Variants in NHERF4 observed in about 807,000 individuals in gnomAD.
NHERF4 encodes Na(+)/H(+) exchange regulatory cofactor NHE-RF4.
At chr11:119,189,370 CA>C in the NHERF4 span, 1 of 1,540,134 alleles carries the variant, frequency 6.5e-7, no homozygotes, top group Non-Finnish European at 9.0e-7. This position sits in a 1 kb window ranked among gnomAD's most constrained non-coding sequence, Gnocchi z 5.8. Flanking sequence ...AAATAAACCC[CA>C]TTTCTGGGCA....
At chr11:119,185,506 C>T in the NHERF4 span, 14 of 1,613,730 alleles carry the variant, frequency 8.7e-6, no homozygotes, top group African/African-American at 1.1e-4. Flanking sequence ...TGGAGAAAGC[C>T]GCAGGTAGGA....
the NHERF4 span, chr11:119,188,071 C>A: frequency 6.4e-7 from 1 of 1,551,792 alleles, no homozygotes; most frequent in Non-Finnish European, 8.7e-7. Flanking sequence ...AGCCCCGCTG[C>A]CTGCACCTGG....
At chr11:119,186,377 C>T in the NHERF4 span, 1 of 1,559,906 alleles carries the variant, frequency 6.4e-7, no homozygotes. This position sits in a 1 kb window ranked among gnomAD's most constrained non-coding sequence, Gnocchi z 4.4. Flanking sequence ...CAGAAACTGC[C>T]CAGCACCCTA....
chr11:119,186,444 C>G, the NHERF4 span: 2 of 1,610,648 alleles, frequency 1.2e-6, no homozygotes, highest in Non-Finnish European at 1.7e-6. This position sits in a 1 kb window ranked among gnomAD's most constrained non-coding sequence, Gnocchi z 4.4. Flanking sequence ...TGTGCCCTCT[C>G]CTCCCCCTTT....
chr11:119,185,996 G>T, the NHERF4 span: 1 of 1,614,102 alleles, frequency 6.2e-7, no homozygotes, highest in East Asian at 2.2e-5. Context: ...AATAATTGGA[G>T]GCAGCGAAGC....
the NHERF4 span, among the ~76,000 whole-genome samples, chr11:119,186,858 G>T: frequency 6.6e-6 from 1 of 152,064 alleles, no homozygotes; most frequent in Non-Finnish European, 1.5e-5. This position sits in a 1 kb window ranked among gnomAD's most constrained non-coding sequence, Gnocchi z 4.4. Flanking sequence ...GCCGATTCCC[G>T]CTGGGCGCAG....
chr11:119,185,498 G>A, the NHERF4 span: 3 of 1,614,118 alleles, frequency 1.9e-6, no homozygotes, highest in Admixed American at 5.0e-5. Flanking sequence ...TCCAGCTATG[G>A]AGAAAGCCGC....
At chr11:119,186,726 CAGAAAG>C in the NHERF4 span, 2 of 1,552,802 alleles carry the variant, frequency 1.3e-6, no homozygotes, top group African/African-American at 2.7e-5. The surrounding 1 kb of genome is among the most constrained non-coding windows in gnomAD (Gnocchi z 4.4). Context: ...GCTAGCACCT[CAGAAAG>C]AGAAGCGGGT....
chr11:119,188,813 C>T, the NHERF4 span: 3,885 of 1,614,206 alleles, frequency 2.4e-3, 13 homozygotes, highest in Non-Finnish European at 3.0e-3. Context: ...CTGGTGGCAG[C>T]TATGGCTTCC....
the NHERF4 span, chr11:119,188,044 C>A: frequency 2.6e-6 from 4 of 1,554,862 alleles, no homozygotes; most frequent in Non-Finnish European, 3.5e-6. Flanking sequence ...TGGCAGAGGG[C>A]TGGGCACTGC....
chr11:119,188,507 T>C, the NHERF4 span: 2 of 1,605,450 alleles, frequency 1.2e-6, no homozygotes, highest in Admixed American at 1.7e-5. Flanking sequence ...CTCCTGTGTC[T>C]CCCTCACTGT....
chr11:119,190,194 A>T, the NHERF4 span: 3 of 1,132,832 alleles, frequency 2.6e-6, no homozygotes, highest in East Asian at 7.6e-5. This position sits in a 1 kb window ranked among gnomAD's most constrained non-coding sequence, Gnocchi z 4.2. Flanking sequence ...AACTAAATAA[A>T]AATAAAAATA....
the NHERF4 span, chr11:119,186,798 C>T: frequency 1.2e-5 from 14 of 1,149,582 alleles, no homozygotes; most frequent in African/African-American, 2.0e-4. The surrounding 1 kb of genome is among the most constrained non-coding windows in gnomAD (Gnocchi z 4.4). Flanking sequence ...CCCCCACACC[C>T]CAGGATTTAG....
the NHERF4 span, chr11:119,185,751 A>G: frequency 1.1e-6 from 1 of 890,640 alleles, no homozygotes; most frequent in Admixed American, 2.0e-5. Flanking sequence ...GGGACCGCAC[A>G]ATAGTCCTGT....
chr11:119,189,050 G>A, the NHERF4 span: 3 of 1,614,140 alleles, frequency 1.9e-6, no homozygotes, highest in Non-Finnish European at 2.5e-6. This position sits in a 1 kb window ranked among gnomAD's most constrained non-coding sequence, Gnocchi z 5.8. Context: ...GCAAGTGGGA[G>A]ACGTGATTCT....
the NHERF4 span, chr11:119,187,880 G>A: frequency 6.7e-7 from 1 of 1,483,702 alleles, no homozygotes; most frequent in East Asian, 2.5e-5. Context: ...GCTGTGGGGG[G>A]AGCATACCTC....
chr11:119,188,806 G>A, the NHERF4 span: 14 of 1,614,222 alleles, frequency 8.7e-6, no homozygotes, highest in Non-Finnish European at 1.1e-5. Context: ...CCTGGGCCTG[G>A]TGGCAGCTAT....
the NHERF4 span, chr11:119,187,276 C>A: frequency 1.3e-6 from 2 of 1,596,752 alleles, no homozygotes; most frequent in Admixed American, 3.4e-5. Context: ...CCAGGTGGTA[C>A]GCCGCATCCG....
chr11:119,187,302 G>T, the NHERF4 span: 1 of 1,610,676 alleles, frequency 6.2e-7, no homozygotes, highest in Non-Finnish European at 8.5e-7. Context: ...GCAGCCCTCG[G>T]GTGTTGCTGA....
Sources: gnomAD v4.1 joint callset for allele counts (sites outside exome capture counted in the v4.1 genomes callset) on GRCh38, gnomAD v4.1.1 for gene constraint, Gnocchi (gnomAD v3.1) non-coding constraint, MANE v1.5 for transcripts, NCBI Gene and HGNC (gene_info 2026-07-23, HGNC 2026-07-21) for gene names.